IFNLR1: variants seen among roughly 807,000 people sequenced by gnomAD.
The protein encoded by IFNLR1 is interferon lambda receptor 1.
IFNLR1 carries 28 observed loss-of-function variants against 52.5 expected under a neutral mutation model. The observed-to-expected ratio is 0.53, with a 90% CI of 0.40 to 0.73. IFNLR1 has a LOEUF of 0.73. IFNLR1 is among the 30% of genes least tolerant of loss of function. The pLI is 0.00. For missense variants in IFNLR1, 623 were observed against 659.1 expected (o/e 0.95, Z 0.60); for synonymous variants, 276 against 274.9 (o/e 1.00, Z -0.04).
At chr1:24,160,982 C>T (rs1338898383) in intron 4 of IFNLR1, among the ~76,000 whole-genome samples, 5 of 152,068 alleles carry the variant, frequency 3.3e-5, no homozygotes, top group Non-Finnish European at 5.9e-5. Flanking sequence ...CCACCTCGGC[C>T]TCCCAAAGTA....
At position 24,162,562 on chromosome 1, in the gene IFNLR1, T is replaced by C. The variant is rs147272527; in HGVS notation, c.368-878A>G. Among the ~76,000 whole-genome samples the C allele has an allele frequency of 9.2e-5, 14 of 152,312 alleles. No homozygotes were observed. In the East Asian group the frequency reaches 2.7e-3, roughly 29 times the overall value. On this transcript the variant is annotated intron_variant, in intron 3 of 6. Transcript: ENST00000327535. ...AATGAACAGAAGTGTATTTGGCTCA[T>C]GTTTCTGGAGACTTGGAAGTCCAAG...
intron 3 of IFNLR1, among the ~76,000 whole-genome samples, chr1:24,162,184 C>A (rs1050342828): frequency 3.9e-5 from 6 of 152,326 alleles, no homozygotes; most frequent in South Asian, 4.1e-4. Context: ...CTTCCAAGCC[C>A]CCTTGGGTTG....
intron 1 of IFNLR1, among the ~76,000 whole-genome samples, chr1:24,181,739 G>A (rs1439086084): frequency 6.6e-6 from 1 of 152,114 alleles, no homozygotes; most frequent in Non-Finnish European, 1.5e-5. Context: ...TCCCTGGGTT[G>A]CTGGGAACAC....
intron 3 of IFNLR1, among the ~76,000 whole-genome samples, chr1:24,162,776 CTT>C (rs144212647): frequency 0.099 from 4,177 of 42,092 alleles, 240 homozygotes; most frequent in East Asian, 0.21. Context: ...TTCTTTCTTT[CTT>C]TTTCTTTCTT....
chr1:24,160,891 C>CT (rs200147448), intron 4 of IFNLR1, among the ~76,000 whole-genome samples: 2,942 of 143,302 alleles, frequency 0.021, 46 homozygotes, highest in East Asian at 0.043. Context: ...CCACACCCAG[C>CT]TTTTTTTTTT....
At chr1:24,161,806 C>T in intron 3 of IFNLR1, 122 bp from the exon 4 acceptor site, 1 of 899,584 alleles carries the variant, frequency 1.1e-6, no homozygotes, top group Non-Finnish European at 1.6e-6. Flanking sequence ...ACTTCTTGTG[C>T]ACCTAGCACC....
At chr1:24,165,172 C>T (rs1287143750) in intron 3 of IFNLR1, among the ~76,000 whole-genome samples, 2 of 152,132 alleles carry the variant, frequency 1.3e-5, no homozygotes, top group East Asian at 3.8e-4. Flanking sequence ...TCTCCTCTTG[C>T]ATTTTACTAT....
intron 2 of IFNLR1, among the ~76,000 whole-genome samples, chr1:24,172,442 A>C (rs1310360228): frequency 3.9e-5 from 6 of 152,102 alleles, no homozygotes; most frequent in Non-Finnish European, 8.8e-5. Context: ...TAATTAGAAA[A>C]ACTCAGACAC....
intron 2 of IFNLR1, among the ~76,000 whole-genome samples, chr1:24,179,303 G>A (rs1000976367): frequency 3.3e-5 from 5 of 152,028 alleles, no homozygotes; most frequent in African/African-American, 7.3e-5. Flanking sequence ...GCCATACTAC[G>A]CCCAGCTGTG....
At chr1:24,174,211 G>A (rs1644609916) in intron 2 of IFNLR1, among the ~76,000 whole-genome samples, 1 of 152,186 alleles carries the variant, frequency 6.6e-6, no homozygotes, top group Non-Finnish European at 1.5e-5. Flanking sequence ...GAGGCTTCAG[G>A]AGAAACTAAA....
chr1:24,170,971 T>C (rs1171055458), intron 2 of IFNLR1, among the ~76,000 whole-genome samples: 1 of 152,148 alleles, frequency 6.6e-6, no homozygotes, highest in Non-Finnish European at 1.5e-5. Flanking sequence ...TGTTATACTA[T>C]GCAAATATTC....
At chr1:24,162,881 TTCCTTCCTTCCTTCCTTCC>T (rs1644475396) in intron 3 of IFNLR1, among the ~76,000 whole-genome samples, 1 of 64,278 alleles carries the variant, frequency 1.6e-5, no homozygotes, top group Non-Finnish European at 3.1e-5. Flanking sequence ...CTTTCTTTCC[TTCCTTCCTTCCTTCCTTCC>T]TTCCTTCCTT....
chr1:24,185,409 C>T (rs555184999), intron 1 of IFNLR1, among the ~76,000 whole-genome samples: 10 of 152,330 alleles, frequency 6.6e-5, no homozygotes, highest in African/African-American at 1.2e-4. Flanking sequence ...TTCATTCCTG[C>T]CCTATAGGAG....
chr1:24,179,743 G>A (rs953807075), intron 2 of IFNLR1, among the ~76,000 whole-genome samples: 2 of 152,162 alleles, frequency 1.3e-5, no homozygotes, highest in Non-Finnish European at 2.9e-5. Context: ...AAATATTCAC[G>A]TAGGGCCCTT....
At chr1:24,176,328 A>T (rs766253784) in intron 2 of IFNLR1, among the ~76,000 whole-genome samples, 1 of 152,208 alleles carries the variant, frequency 6.6e-6, no homozygotes, top group Non-Finnish European at 1.5e-5. Flanking sequence ...GTGGTTGCCT[A>T]GATCTGGAGG....
At chr1:24,184,712 C>T (rs951050886) in intron 1 of IFNLR1, among the ~76,000 whole-genome samples, 1 of 152,018 alleles carries the variant, frequency 6.6e-6, no homozygotes, top group Non-Finnish European at 1.5e-5. Flanking sequence ...ATGATGATAA[C>T]GATGATGATA....
chr1:24,179,127 T>C (rs1292833455), intron 2 of IFNLR1, among the ~76,000 whole-genome samples: 2 of 151,954 alleles, frequency 1.3e-5, no homozygotes, highest in Admixed American at 1.3e-4. Flanking sequence ...ATTTTTTTTT[T>C]TTGTAGAGAC....
intron 1 of IFNLR1, 47 bp downstream of exon 1, chr1:24,187,143 GC>G: frequency 8.0e-7 from 1 of 1,251,400 alleles, no homozygotes; most frequent in Non-Finnish European, 1.1e-6. Flanking sequence ...GCGCGGCCCG[GC>G]CCGGGGAGCC....
At chr1:24,171,642 A>G (rs1034344496) in intron 2 of IFNLR1, among the ~76,000 whole-genome samples, 2 of 150,032 alleles carry the variant, frequency 1.3e-5, no homozygotes, top group African/African-American at 4.9e-5. Flanking sequence ...ACCTGCCACT[A>G]CACCCAGCTA....
Sources: allele counts gnomAD v4.1 joint callset (sites outside exome capture counted in the v4.1 genomes callset), GRCh38; gene constraint gnomAD v4.1.1; transcripts MANE v1.5; gene names NCBI Gene and HGNC (gene_info 2026-07-23, HGNC 2026-07-21).